The following ARSG variants were observed in gnomAD, a reference collection of about 807,000 sequenced individuals.
ARSG encodes ASG.
A neutral mutation model predicts 50.5 loss-of-function variants in ARSG; 37 were observed. That is an observed-to-expected ratio of 0.73 (90% CI 0.56 to 0.96). The LOEUF is 0.96. Among genes scored for constraint, ARSG ranks in the 50% least tolerant of loss-of-function variants. The probability of loss-of-function intolerance (pLI) is 0.00; values close to 1 mark genes in which losing one functional copy is unlikely to be tolerated. For synonymous variants in ARSG, 225 were observed against 254.6 expected (o/e 0.88, Z 1.11); for missense variants, 629 against 675.3 (o/e 0.93, Z 0.76).
intron 2 of ARSG, among the ~76,000 whole-genome samples, chr17:68,315,651 A>G (rs2077042189): frequency 6.6e-6 from 1 of 151,998 alleles, no homozygotes; most frequent in Non-Finnish European, 1.5e-5. Flanking sequence ...TATTTATTTT[A>G]AGATGAAGTC....
chr17:68,300,260 A>G (rs1192516734), intron 1 of ARSG, among the ~76,000 whole-genome samples: 1 of 152,152 alleles, frequency 6.6e-6, no homozygotes, highest in Non-Finnish European at 1.5e-5. Flanking sequence ...GCTTATTTCA[A>G]AATAATCCAG....
chr17:68,351,587 A>G lies in ARSG; in HGVS notation c.467A>G (p.Tyr156Cys). The G allele has an allele frequency of 6.2e-7, 1 of 1,611,280 alleles. No individual in the cohort carries two copies. The highest frequency in any genetic ancestry group is 8.5e-7 in the Non-Finnish European group (1 of 1,177,524). ...YHPNFRGFDY[Y>C]FGIPYSHDMG... is the part of the protein sequence containing the mutation. ...GCTTCTATTCCAGGTTTTGATTACT[A>G]CTTTGGAATCCCATATAGCCATGAT... The change falls in exon 5 of 12, where the codon TAC becomes TGC. Residue 156 changes from tyrosine to cysteine, a missense_variant. Transcript: ENST00000621439.
intron 10 of ARSG, among the ~76,000 whole-genome samples, chr17:68,398,503 A>G (rs1372454405): frequency 6.6e-6 from 1 of 152,202 alleles, no homozygotes. Context: ...AATAAGCACA[A>G]TTTGTGTTCA....
At chr17:68,449,214 CTT>C in the ARSG span, among the ~76,000 whole-genome samples, 3 of 152,204 alleles carry the variant, frequency 2.0e-5, no homozygotes, top group Non-Finnish European at 2.9e-5. Context: ...TAAAGAATCT[CTT>C]TGTTTATTTA....
At chr17:68,366,120 G>A (rs1203250729) in intron 6 of ARSG, among the ~76,000 whole-genome samples, 5 of 151,812 alleles carry the variant, frequency 3.3e-5, no homozygotes, top group Admixed American at 3.3e-4. Context: ...GTATTTGTTA[G>A]TAGAGGCAGG....
chr17:68,433,760 GTTTTTTTTTTTTTTTTTTTTTTT>G, the ARSG span, among the ~76,000 whole-genome samples: 2 of 72,814 alleles, frequency 2.7e-5, no homozygotes, highest in East Asian at 6.0e-4. Flanking sequence ...AAGGGTCATA[GTTTTTTTTTTTTTTTTTTTTTTT>G]TTTTTTTTTT....
chr17:68,262,403 G>A (rs1354943827), intron 1 of ARSG, among the ~76,000 whole-genome samples: 3 of 152,098 alleles, frequency 2.0e-5, no homozygotes, highest in Admixed American at 6.5e-5. Context: ...CCTGGGAGGC[G>A]GAGGTTGCAG....
intron 2 of ARSG, among the ~76,000 whole-genome samples, chr17:68,332,571 A>G (rs1170608364): frequency 6.6e-6 from 1 of 152,246 alleles, no homozygotes; most frequent in Non-Finnish European, 1.5e-5. Flanking sequence ...TGCAGTAAAG[A>G]CAGGCATAAG....
At chr17:68,326,359 T>C (rs2077503428) in intron 2 of ARSG, among the ~76,000 whole-genome samples, 3 of 152,172 alleles carry the variant, frequency 2.0e-5, no homozygotes, top group Admixed American at 1.3e-4. Flanking sequence ...CAGAGCCAGC[T>C]GGAAGTGTTC....
chr17:68,307,826 G>C, intron 2 of ARSG, 115 bp downstream of exon 2: 1 of 632,078 alleles, frequency 1.6e-6, no homozygotes, highest in South Asian at 2.1e-5. Flanking sequence ...TGCTGATTTA[G>C]TTAATTTATT....
intron 8 of ARSG, 110 bp from the exon 9 acceptor site, chr17:68,384,954 T>C: frequency 1.3e-6 from 1 of 790,528 alleles, no homozygotes; most frequent in Non-Finnish European, 2.1e-6. Context: ...ATTCCTTTGT[T>C]GGGGTTATTG....
At chr17:68,366,565 G>A (rs548715137) in intron 6 of ARSG, among the ~76,000 whole-genome samples, 1 of 152,168 alleles carries the variant, frequency 6.6e-6, no homozygotes, top group South Asian at 2.1e-4. Flanking sequence ...AATCATTGCT[G>A]TACGAAAAAA....
chr17:68,395,321 C>G, intron 10 of ARSG, 128 bp downstream of exon 10: 1 of 1,404,422 alleles, frequency 7.1e-7, no homozygotes, highest in Non-Finnish European at 9.6e-7. Context: ...GATACAGTGG[C>G]TCACGCCTGT....
At chr17:68,321,477 G>A (rs1555770537) in intron 2 of ARSG, among the ~76,000 whole-genome samples, 3 of 152,120 alleles carry the variant, frequency 2.0e-5, no homozygotes, top group African/African-American at 7.2e-5. Context: ...AAAGGCCGCA[G>A]CAAAAGATTT....
chr17:68,389,523 T>A (rs1300340292), intron 9 of ARSG, among the ~76,000 whole-genome samples: 1 of 151,884 alleles, frequency 6.6e-6, no homozygotes, highest in Non-Finnish European at 1.5e-5. Flanking sequence ...AGGAAAAAAG[T>A]TAAAACTAAA....
At chr17:68,451,868 CTT>C in the ARSG span, among the ~76,000 whole-genome samples, 1 of 152,224 alleles carries the variant, frequency 6.6e-6, no homozygotes, top group African/African-American at 2.4e-5. Flanking sequence ...GCTTTGGTAT[CTT>C]TCTGAGCACA....
Position 68,401,162 on chromosome 17 carries a change from A to G in ARSG, c.1213-198A>G, listed in dbSNP as rs2081453644. 7.2e-6 allele frequency: 4 copies of G among 556,842 alleles called. No individual in the cohort carries two copies. In the East Asian group the frequency reaches 1.2e-4, roughly 17 times the overall value. 34.5% of individuals were successfully genotyped at this position (556,842 alleles called of 1,614,324 possible). A position where few individuals can be genotyped will look rare whatever the true frequency, so the allele number is the denominator to read the frequency against. ...CCTCAGCTTCCAAGTAGCTAGGACC[A>G]CAGGTGTGCACCACCATGCCTGGTT... On this transcript the variant is annotated intron_variant, in intron 10 of 11. Transcript: ENST00000621439.
intron 2 of ARSG, among the ~76,000 whole-genome samples, chr17:68,310,037 G>A (rs556225435): frequency 6.7e-6 from 1 of 149,514 alleles, no homozygotes; most frequent in African/African-American, 2.5e-5. Flanking sequence ...GCAGTGGCAC[G>A]ATCTCAGCTC....
At position 68,394,006 on chromosome 17, in the gene ARSG, TG is replaced by T. The variant is rs1441112354; in HGVS notation, c.1092-1065del. Among the ~76,000 whole-genome samples, 4 of 152,266 alleles carry T rather than the reference TG, an allele frequency of 2.6e-5. No homozygotes were observed. In the East Asian group the frequency reaches 7.7e-4, roughly 29 times the overall value. ...TGGGATTTTGCCCTATTGCCCAGGC[TG>T]GTCTCAAACCGGCCATTGTTCACAT... On this transcript the variant is annotated intron_variant, in intron 9 of 11. Coordinates refer to ENST00000621439, the MANE Select transcript of ARSG (RefSeq NM_001267727.2).
Sources: allele counts gnomAD v4.1 joint callset (sites outside exome capture counted in the v4.1 genomes callset), GRCh38; gene constraint gnomAD v4.1.1; transcripts MANE v1.5; gene names NCBI Gene and HGNC (gene_info 2026-07-23, HGNC 2026-07-21).